POU2F1: variants seen among roughly 807,000 people sequenced by gnomAD.
POU2F1 encodes the protein POU domain, class 2, transcription factor 1.
In POU2F1, 16 loss-of-function variants were observed where a neutral mutation model predicts 84.9. The ratio of observed to expected loss-of-function variants is 0.19; its 90% CI spans 0.13 to 0.29. The LOEUF is 0.29. Among genes scored for constraint, POU2F1 ranks in the 10% least tolerant of loss-of-function variants. POU2F1 has a pLI of 1.00. For synonymous variants in POU2F1, 368 were observed against 368.3 expected (o/e 1.00, Z 0.01); for missense variants, 738 against 942.6 (o/e 0.78, Z 2.84).
intron 1 of POU2F1, among the ~76,000 whole-genome samples, chr1:167,282,346 G>A (rs952235597): frequency 2.6e-5 from 4 of 151,896 alleles, no homozygotes; most frequent in Admixed American, 1.3e-4. Context: ...GGGTTTCACC[G>A]TGTTAGCCAG....
chr1:167,306,338 A>G (rs187779277), intron 1 of POU2F1, among the ~76,000 whole-genome samples: 1 of 152,360 alleles, frequency 6.6e-6, no homozygotes, highest in Admixed American at 6.5e-5. Context: ...CCTGTGTACA[A>G]TAAAGATGAT....
chr1:167,301,670 A>G (rs1390341519), intron 1 of POU2F1, among the ~76,000 whole-genome samples: 1 of 152,178 alleles, frequency 6.6e-6, no homozygotes, highest in Non-Finnish European at 1.5e-5. Context: ...AGAGCTTGTT[A>G]GTTTGTAACC....
intron 3 of POU2F1, among the ~76,000 whole-genome samples, chr1:167,366,705 T>C (rs561407609): frequency 1.3e-5 from 2 of 152,280 alleles, no homozygotes; most frequent in Admixed American, 1.3e-4. Flanking sequence ...AGATAAAATA[T>C]TAAAATGAAT....
At chr1:167,327,879 G>A (rs113063886) in intron 1 of POU2F1, among the ~76,000 whole-genome samples, 5 of 152,210 alleles carry the variant, frequency 3.3e-5, no homozygotes, top group African/African-American at 1.2e-4. Context: ...CTGTGCCTCA[G>A]TTTCCTTACT....
intron 1 of POU2F1, among the ~76,000 whole-genome samples, chr1:167,237,762 A>G (rs1571140167): frequency 5.0e-5 from 1 of 19,996 alleles, no homozygotes; most frequent in Non-Finnish European, 1.3e-4. Context: ...ATATATATAT[A>G]TATATATATA....
At chr1:167,389,485 T>C in intron 8 of POU2F1, 103 bp from the exon 9 acceptor site, 1 of 1,256,578 alleles carries the variant, frequency 8.0e-7, no homozygotes, top group South Asian at 1.4e-5. Flanking sequence ...ATGGTCTTCA[T>C]CGTTATCCAT....
At chr1:167,345,600 G>GT (rs1238800538) in intron 2 of POU2F1, among the ~76,000 whole-genome samples, 2 of 152,160 alleles carry the variant, frequency 1.3e-5, no homozygotes, top group African/African-American at 2.4e-5. Flanking sequence ...AGCTGCTACC[G>GT]TTTAACTGGC....
chr1:167,274,495 G>A (rs1270025976), intron 1 of POU2F1, among the ~76,000 whole-genome samples: 1 of 151,858 alleles, frequency 6.6e-6, no homozygotes, highest in Non-Finnish European at 1.5e-5. Context: ...AGAACATGTG[G>A]GTCTATGAGG....
intron 13 of POU2F1, among the ~76,000 whole-genome samples, chr1:167,404,394 G>A (rs937833999): frequency 1.2e-4 from 18 of 152,038 alleles, no homozygotes; most frequent in Admixed American, 2.0e-4. Flanking sequence ...GGAAGGGCTC[G>A]CGGTGAGCTG....
chr1:167,279,630 A>T (rs1454649582), intron 1 of POU2F1, among the ~76,000 whole-genome samples: 1 of 152,118 alleles, frequency 6.6e-6, no homozygotes, highest in African/African-American at 2.4e-5. Flanking sequence ...AGGTAGGAGA[A>T]TTGCTTGAAC....
At chr1:167,382,820 T>A (rs1647663935) in intron 7 of POU2F1, among the ~76,000 whole-genome samples, 1 of 152,210 alleles carries the variant, frequency 6.6e-6, no homozygotes, top group Non-Finnish European at 1.5e-5. Flanking sequence ...TGACCTACAT[T>A]ATGAAATAAA....
intron 1 of POU2F1, among the ~76,000 whole-genome samples, chr1:167,308,729 G>A (rs1292874701): frequency 6.6e-6 from 1 of 151,414 alleles, no homozygotes; most frequent in Non-Finnish European, 1.5e-5. Flanking sequence ...ATGTTGTTCA[G>A]GCTGATCTCA....
Position 167,415,956 on chromosome 1 carries a change from ACCACACACACCCATACACACAT to A in POU2F1, c.*147_*168del. On this transcript the variant is annotated 3_prime_UTR_variant, in exon 16 of 16. Coordinates refer to ENST00000367866, the MANE Select transcript of POU2F1 (RefSeq NM_002697.4). Reference sequence around the variant, plus strand: ...AGAGAAGGGAGAAAAAAAAAAAAAAACCACACACACCCATACACACATACCAGAAAAAGAAAGAAAGGATGGA... The same window carrying A: ...AGAGAAGGGAGAAAAAAAAAAAAAAAACCAGAAAAAGAAAGAAAGGATGGA... The A allele has an allele frequency of 1.2e-6, 1 of 820,818 alleles. No individual in the cohort carries two copies. 50.8% of individuals were successfully genotyped at this position (820,818 alleles called of 1,614,324 possible).
At chr1:167,288,716 T>G (rs1653705074) in intron 1 of POU2F1, among the ~76,000 whole-genome samples, 2 of 152,140 alleles carry the variant, frequency 1.3e-5, no homozygotes, top group African/African-American at 4.8e-5. Context: ...AAACAAAGAT[T>G]TATGTCTACT....
At chr1:167,388,678 C>T (rs891727237) in intron 8 of POU2F1, among the ~76,000 whole-genome samples, 1 of 152,140 alleles carries the variant, frequency 6.6e-6, no homozygotes, top group African/African-American at 2.4e-5. Flanking sequence ...AATAAAAATG[C>T]TATATATCCA....
chr1:167,410,951 A>G (rs142103554), intron 13 of POU2F1, among the ~76,000 whole-genome samples: 1 of 152,254 alleles, frequency 6.6e-6, no homozygotes, highest in East Asian at 1.9e-4. Context: ...GATATATTTA[A>G]TGTCAGTTAG....
At position 167,422,406 on chromosome 1, in the gene POU2F1, CCTTA is replaced by C. The variant is rs1303286877; in HGVS notation, c.*6604_*6607del. On this transcript the variant is annotated 3_prime_UTR_variant, in exon 16 of 16. Coordinates refer to ENST00000367866, the MANE Select transcript of POU2F1 (RefSeq NM_002697.4). The stretch of plus-strand genomic sequence containing the variant: ...GTGCTAATAACACAACACTTTAAAA[CCTTA>C]CTTACTTTTCTCATACCAAGGCTAG... 11 of 152,220 alleles carry C rather than the reference CCTTA, an allele frequency of 7.2e-5. No individual in the cohort carries two copies. The highest frequency in any genetic ancestry group is 1.4e-4 in the African/African-American group (6 of 41,436). 9.4% of individuals were successfully genotyped at this position (152,220 alleles called of 1,614,324 possible).
chr1:167,423,397 A>G lies in POU2F1; in HGVS notation c.*7587A>G, dbSNP rs545679556. The G allele has an allele frequency of 6.6e-6, 1 of 152,334 alleles. No individual in the cohort carries two copies. Among genetic ancestry groups the G allele is most frequent in the South Asian group, 2.1e-4 (1 of 4,828 alleles). The allele number at this position is 152,334 out of a possible 1,614,324, so 9.4% of individuals were successfully genotyped here. On this transcript the variant is annotated 3_prime_UTR_variant, in exon 16 of 16. Coordinates refer to ENST00000367866, the MANE Select transcript of POU2F1 (RefSeq NM_002697.4). ...CTTTACTAATAATCTTATTGTTCTGACATTATGTAAAGGTGGTATTAATAT... is the reference window on the plus strand; with the variant it reads ...CTTTACTAATAATCTTATTGTTCTGGCATTATGTAAAGGTGGTATTAATAT...
chr1:167,247,370 T>C (rs981721312), intron 1 of POU2F1, among the ~76,000 whole-genome samples: 1 of 152,180 alleles, frequency 6.6e-6, no homozygotes, highest in Non-Finnish European at 1.5e-5. Context: ...ACCCAGCCTG[T>C]GATACAATTT....
Sources: allele counts gnomAD v4.1 joint callset (sites outside exome capture counted in the v4.1 genomes callset), GRCh38; gene constraint gnomAD v4.1.1; transcripts MANE v1.5; gene names NCBI Gene and HGNC (gene_info 2026-07-23, HGNC 2026-07-21).